The following RAD23B variants were observed in gnomAD, a reference collection of about 807,000 sequenced individuals.
The protein encoded by RAD23B is RAD23 nucleotide excision repair protein B, also known as lysine-specific demethylase RAD23B.
In RAD23B, 5 loss-of-function variants were observed where a neutral mutation model predicts 49.1. The observed-to-expected ratio is 0.10, with a 90% confidence interval of 0.05 to 0.21. RAD23B has a LOEUF of 0.21. Among genes scored for constraint, RAD23B ranks in the 10% least tolerant of loss-of-function variants. RAD23B has a pLI of 1.00. For missense variants in RAD23B, 356 were observed against 486.7 expected, an observed-to-expected ratio of 0.73 and a Z score of 2.53; for synonymous variants, 184 against 165.4, an observed-to-expected ratio of 1.11 and a Z score of -0.86.
chr9:107,300,382 A>G (rs532609070), intron 2 of RAD23B, among the ~76,000 whole-genome samples, 160 bp downstream of exon 2: 40 of 152,280 alleles, frequency 2.6e-4, no homozygotes, highest in East Asian at 9.6e-4. Context: ...TTAATATTCA[A>G]TCTTCTCTTT....
Position 107,298,262 on chromosome 9 carries a change from A to G in RAD23B, c.67-1879A>G, listed in dbSNP as rs527777487. ...GGTTTCAAGACTTGTTTACATTTAA[A>G]TAAGTTATTGAGGGCTCCAAAATAA... On this transcript the variant is annotated intron_variant, in intron 1 of 9. Transcript: ENST00000358015. Among the ~76,000 whole-genome samples, 51 of 152,240 alleles carry G rather than the reference A, an allele frequency of 3.3e-4. No homozygotes were observed. The South Asian group carries it at 9.3e-3, about 28-fold the overall frequency.
Position 107,295,092 on chromosome 9 carries a change from G to A in RAD23B, c.67-5049G>A, listed in dbSNP as rs538898155. ...TGGAATGGCCAGCGGTGGGTGGGGG[G>A]GGACTACCAGAGAAAATAAGCAGCA... On this transcript the variant is annotated intron_variant, in intron 1 of 9. Coordinates refer to ENST00000358015, the MANE Select transcript of RAD23B (RefSeq NM_002874.5). 5.4e-5 allele frequency among the ~76,000 whole-genome samples: 8 copies of A among 149,386 alleles called. No individual in the cohort carries two copies. In the South Asian group the frequency reaches 1.8e-3, roughly 33 times the overall value.
intron 1 of RAD23B, among the ~76,000 whole-genome samples, 188 bp from the exon 2 acceptor site, chr9:107,299,953 C>CTA (rs1826613535): frequency 6.6e-6 from 1 of 152,014 alleles, no homozygotes; most frequent in Non-Finnish European, 1.5e-5. Flanking sequence ...AAGTTTATGG[C>CTA]TATCATAACT....
At chr9:107,306,267 A>G (rs1826769722) in intron 3 of RAD23B, 112 bp from the exon 4 acceptor site, 2 of 967,432 alleles carry the variant, frequency 2.1e-6, no homozygotes, top group South Asian at 3.6e-5. Context: ...TTTTCAAGTT[A>G]TAGGTTGTTA....
chr9:107,286,659 C>A (rs1033053103), intron 1 of RAD23B, among the ~76,000 whole-genome samples: 1 of 152,076 alleles, frequency 6.6e-6, no homozygotes, highest in African/African-American at 2.4e-5. Flanking sequence ...AGGAGATTTT[C>A]TTCATTATGT....
chr9:107,306,122 T>C (rs1826766118), intron 3 of RAD23B, among the ~76,000 whole-genome samples: 1 of 147,800 alleles, frequency 6.8e-6, no homozygotes, highest in African/African-American at 2.5e-5. Context: ...TAACTTGATA[T>C]GAAGATGGAA....
chr9:107,308,162 C>G (rs1306091453), intron 4 of RAD23B, among the ~76,000 whole-genome samples: 1 of 149,912 alleles, frequency 6.7e-6, no homozygotes, highest in Admixed American at 6.6e-5. Context: ...TAGAGTTGAT[C>G]AATACATTTT....
intron 4 of RAD23B, among the ~76,000 whole-genome samples, chr9:107,309,157 C>T (rs954456298): frequency 6.6e-6 from 1 of 152,198 alleles, no homozygotes; most frequent in Non-Finnish European, 1.5e-5. Context: ...GCATCAGCAT[C>T]ACTGGGAGTG....
intron 1 of RAD23B, among the ~76,000 whole-genome samples, chr9:107,299,043 A>G (rs1462199485): frequency 1.3e-5 from 2 of 152,024 alleles, no homozygotes; most frequent in East Asian, 3.9e-4. Flanking sequence ...AGGGGTGGTA[A>G]CCTCTTTATT....
intron 1 of RAD23B, among the ~76,000 whole-genome samples, chr9:107,293,172 C>A (rs945806430): frequency 1.3e-5 from 2 of 151,844 alleles, no homozygotes; most frequent in Non-Finnish European, 2.9e-5. Flanking sequence ...TGGCTGGCTT[C>A]TCCCAGTGTT....
chr9:107,311,634 A>G (rs1826888554), intron 4 of RAD23B, 48 bp from the exon 5 acceptor site: 1 of 1,362,932 alleles, frequency 7.3e-7, no homozygotes, highest in Non-Finnish European at 1.0e-6. Flanking sequence ...ATGTAAATTA[A>G]ATTTTATATA....
In RAD23B at chr9:107,318,973, A is replaced by G; in HGVS notation, c.681+94A>G. 1 of 1,254,948 alleles carries G rather than the reference A, an allele frequency of 8.0e-7. No homozygotes were observed. Among genetic ancestry groups the G allele is most frequent in the Non-Finnish European group, 1.1e-6 (1 of 911,638 alleles). 77.7% of individuals were successfully genotyped at this position (1,254,948 alleles called of 1,614,324 possible). On this transcript the variant is annotated intron_variant, in intron 6 of 9. Coordinates refer to ENST00000358015, the MANE Select transcript of RAD23B (RefSeq NM_002874.5). This position sits in a 1 kb window ranked among gnomAD's most constrained non-coding sequence, Gnocchi z 4.3. ...AAGGACCAGTTCACTTGTCACTGAT[A>G]TATGCTAGATGATATACATAATGCT...
At chr9:107,284,330 T>TG (rs1203019875) in intron 1 of RAD23B, 1 of 624,424 alleles carries the variant, frequency 1.6e-6, no homozygotes, top group Non-Finnish European at 2.0e-6. Context: ...TCTTTGGTGA[T>TG]GGTTTTAGCT....
chr9:107,299,229 TC>T (rs2133072627), intron 1 of RAD23B, among the ~76,000 whole-genome samples: 1 of 152,320 alleles, frequency 6.6e-6, no homozygotes, highest in South Asian at 2.1e-4. Flanking sequence ...TCCCTTTCTG[TC>T]TAAAACTCAA....
At chr9:107,293,540 T>A (rs1329224195) in intron 1 of RAD23B, among the ~76,000 whole-genome samples, 1 of 152,170 alleles carries the variant, frequency 6.6e-6, no homozygotes, top group Non-Finnish European at 1.5e-5. Flanking sequence ...CTGTATATAG[T>A]TACAACAGTA....
intron 3 of RAD23B, among the ~76,000 whole-genome samples, chr9:107,306,055 A>G (rs1443199299): frequency 1.9e-5 from 1 of 53,938 alleles, no homozygotes; most frequent in African/African-American, 7.7e-5. Context: ...TTATATCTAT[A>G]TATATATATA....
rs1376476540 is a variant in RAD23B at position 107,300,122 on chromosome 9, A to G, written c.67-19A>G. 2 of 1,587,886 alleles carry G rather than the reference A, an allele frequency of 1.3e-6. No individual in the cohort carries two copies. The highest frequency in any genetic ancestry group is 1.7e-6 in the Non-Finnish European group (2 of 1,171,378). On this transcript the variant is annotated intron_variant, in intron 1 of 9. Transcript: ENST00000358015. Reference sequence around the variant, plus strand: ...TTTATTTAGACTTTTTCCAAAACAAATCTTTATTTTTCCTATAGGTGAAAG... The same window carrying G: ...TTTATTTAGACTTTTTCCAAAACAAGTCTTTATTTTTCCTATAGGTGAAAG...
Position 107,298,425 on chromosome 9 carries a change from G to T in RAD23B, c.67-1716G>T, listed in dbSNP as rs139586486. Among the ~76,000 whole-genome samples, 1,280 of 146,008 alleles carry T rather than the reference G, an allele frequency of 8.8e-3. 22 individuals carry two copies. Among genetic ancestry groups the T allele is most frequent in the African/African-American group, 0.031 (1,199 of 39,008 alleles). ...ACTTTTCAAATGATTCTTGTACCTC[G>T]TCCTCCCAAGTAGCTGGGATTACAG... On this transcript the variant is annotated intron_variant, in intron 1 of 9. Coordinates refer to ENST00000358015, the MANE Select transcript of RAD23B (RefSeq NM_002874.5).
At chr9:107,287,280 A>T (rs1249893476) in intron 1 of RAD23B, among the ~76,000 whole-genome samples, 1 of 152,224 alleles carries the variant, frequency 6.6e-6, no homozygotes, top group African/African-American at 2.4e-5. Context: ...TGAAATGGTG[A>T]CAAGAAAAAG....
Sources: allele counts gnomAD v4.1 joint callset (sites outside exome capture counted in the v4.1 genomes callset), GRCh38; gene constraint gnomAD v4.1.1; non-coding constraint Gnocchi (gnomAD v3.1); transcripts MANE v1.5; gene names NCBI Gene and HGNC (gene_info 2026-07-23, HGNC 2026-07-21).